The following IKBKE variants were observed in gnomAD, a reference collection of about 807,000 sequenced individuals.
IKBKE encodes the protein inhibitor of nuclear factor kappa B kinase subunit epsilon, also known as inhibitor of nuclear factor kappa-B kinase subunit epsilon.
IKBKE carries 45 observed loss-of-function variants against 92.1 expected under a neutral mutation model. The observed-to-expected ratio is 0.49, with a 90% CI of 0.38 to 0.63. The LOEUF (loss-of-function observed/expected upper bound fraction) is 0.63, where lower values mean the gene tolerates loss of function less well. Among genes scored for constraint, IKBKE ranks in the 20% least tolerant of loss-of-function variants. IKBKE has a pLI of 0.00. For synonymous variants in IKBKE, 374 were observed against 380.3 expected (o/e 0.98, Z 0.19); for missense variants, 700 against 932.8 (o/e 0.75, Z 3.25).
At chr1:206,474,548 C>A in intron 4 of IKBKE, 77 bp downstream of exon 4, 1 of 1,416,898 alleles carries the variant, frequency 7.1e-7, no homozygotes, top group Non-Finnish European at 9.6e-7. Flanking sequence ...CACATGATAA[C>A]AGAGATTTGG....
Position 206,480,168 on chromosome 1 carries a change from G to A in IKBKE, c.1340+55G>A, listed in dbSNP as rs41297610. 127 of 984,348 alleles carry A rather than the reference G, an allele frequency of 1.3e-4. 1 individual carries two copies. In the African/African-American group the frequency reaches 2.1e-3, roughly 16 times the overall value. 61.0% of individuals were successfully genotyped at this position (984,348 alleles called of 1,614,324 possible). A position where few individuals can be genotyped will look rare whatever the true frequency, so the allele number is the denominator to read the frequency against. On this transcript the variant is annotated intron_variant, in intron 12 of 21. Coordinates refer to ENST00000581977, the MANE Select transcript of IKBKE (RefSeq NM_014002.4). ...GGGGAGGCGGGCAGGAGAGGGAGGC[G>A]GACAGGAGGGGGAGTGGGCAGGAAG... is the stretch of plus-strand genomic sequence containing the variant.
intron 16 of IKBKE, among the ~76,000 whole-genome samples, chr1:206,488,300 G>C (rs553568473): frequency 2.0e-5 from 3 of 152,368 alleles, no homozygotes; most frequent in Admixed American, 2.0e-4. Flanking sequence ...GGTGCTGTAG[G>C]AGAGGTGGTC....
chr1:206,480,118 G>A lies in IKBKE; in HGVS notation c.1340+5G>A, dbSNP rs1553386618. The A allele has an allele frequency of 6.4e-7, 1 of 1,553,512 alleles. No homozygotes were observed. The highest frequency in any genetic ancestry group is 8.7e-7 in the Non-Finnish European group (1 of 1,151,546). On this transcript the variant is annotated splice_donor_5th_base_variant and intron_variant, in intron 12 of 21. Transcript: ENST00000581977. ...TCGGGGGCTGCACTGGGTCATGTGA[G>A]TAATCATGAGGGCTGGGCACAGAGG... is the stretch of plus-strand genomic sequence containing the variant.
In IKBKE at chr1:206,490,681, T is replaced by C; in HGVS notation, c.1694-138T>C. On this transcript the variant is annotated intron_variant, in intron 16 of 21. Coordinates refer to ENST00000581977, the MANE Select transcript of IKBKE (RefSeq NM_014002.4). This position sits in a 1 kb window ranked among gnomAD's most constrained non-coding sequence, Gnocchi z 5.2. ...GCTAGCTTCACTCCTCTGCCCCTCC[T>C]GCTCCGCTGGGCGGTGAGTTCCCGT... 1 of 827,044 alleles carries C rather than the reference T, an allele frequency of 1.2e-6. No homozygotes were observed. The allele number at this position is 827,044 out of a possible 1,614,324, so 51.2% of individuals were successfully genotyped here. A position where few individuals can be genotyped will look rare whatever the true frequency, so the allele number is the denominator to read the frequency against.
At position 206,487,792 on chromosome 1, in the gene IKBKE, G is replaced by A. The variant is rs782681016; in HGVS notation, c.1617-122G>A. 7 of 727,166 alleles carry A rather than the reference G, an allele frequency of 9.6e-6. No individual in the cohort carries two copies. The East Asian group carries it at 1.1e-4, about 11-fold the overall frequency. 45.0% of individuals were successfully genotyped at this position (727,166 alleles called of 1,614,324 possible). ...GGACAGCCACCTCCACTCCCAGACTGATCCCCCAAAACTGTGGCTGTGAGG... is the reference window on the plus strand; with the variant it reads ...GGACAGCCACCTCCACTCCCAGACTAATCCCCCAAAACTGTGGCTGTGAGG... On this transcript the variant is annotated intron_variant, in intron 15 of 21. Transcript: ENST00000581977. This position sits in a 1 kb window ranked among gnomAD's most constrained non-coding sequence, Gnocchi z 5.3.
At chr1:206,495,939 T>C (rs1260404665) in intron 21 of IKBKE, among the ~76,000 whole-genome samples, 173 bp from the exon 22 acceptor site, 1 of 152,040 alleles carries the variant, frequency 6.6e-6, no homozygotes, top group African/African-American at 2.4e-5. Flanking sequence ...TTCCAACATA[T>C]AGTCAGAGGC....
In IKBKE at chr1:206,480,491, G is replaced by A. The variant is rs201028800; in HGVS notation, c.1385G>A (p.Arg462Lys). Reference sequence around the variant, plus strand: ...TGCAGACGGACTCTGGAAGTGGCAAGGACATCCCTCCTCTACCTCAGCAGC... The same window carrying A: ...TGCAGACGGACTCTGGAAGTGGCAAAGACATCCCTCCTCTACCTCAGCAGC... ...ATCRRTLEVA[R>K]TSLLYLSSSL... The change falls in exon 13 of 22, where the codon AGG becomes AAG. Residue 462 changes from arginine (R) to lysine (K), a missense_variant. Coordinates refer to ENST00000581977, the MANE Select transcript of IKBKE (RefSeq NM_014002.4). The A allele has an allele frequency of 3.7e-6, 6 of 1,613,844 alleles. No individual in the cohort carries two copies. Among genetic ancestry groups the A allele is most frequent in the African/African-American group, 2.7e-5 (2 of 74,984 alleles).
chr1:206,476,562 A>G lies in IKBKE; in HGVS notation c.541-116A>G, dbSNP rs982609243. ...GGCTGACACCCATTTTTAAGATGAC[A>G]AAGAAGGATTTGAACAGTTCTGTTT... is the stretch of plus-strand genomic sequence containing the variant. On this transcript the variant is annotated intron_variant, in intron 6 of 21. Coordinates refer to ENST00000581977, the MANE Select transcript of IKBKE (RefSeq NM_014002.4). The surrounding 1 kb of genome is among the most constrained non-coding windows in gnomAD (Gnocchi z 5.1). 2.3e-6 allele frequency: 3 copies of G among 1,298,880 alleles called. No homozygotes were observed. Among genetic ancestry groups the G allele is most frequent in the South Asian group, 1.4e-5 (1 of 71,884 alleles). The allele number at this position is 1,298,880 out of a possible 1,614,324, so 80.5% of individuals were successfully genotyped here.
intron 2 of IKBKE, among the ~76,000 whole-genome samples, chr1:206,471,776 A>G (rs1417527477): frequency 6.6e-6 from 1 of 152,196 alleles, no homozygotes. Context: ...GATCTCTTCA[A>G]GGGGCCTCTG....
intron 13 of IKBKE, among the ~76,000 whole-genome samples, chr1:206,483,954 T>C (rs1665523564): frequency 1.3e-5 from 2 of 152,128 alleles, no homozygotes; most frequent in Non-Finnish European, 2.9e-5. Flanking sequence ...TATTTTATTT[T>C]ATTTCTTTTC....
chr1:206,492,509 G>T (rs758284528), intron 18 of IKBKE: 1 of 471,248 alleles, frequency 2.1e-6, no homozygotes, highest in Non-Finnish European at 4.4e-6. Context: ...GCAGGGCTTG[G>T]ATGTCAGTGT....
Position 206,490,768 on chromosome 1 carries a change from G to C in IKBKE, c.1694-51G>C, listed in dbSNP as rs782806451. 1.3e-6 allele frequency: 2 copies of C among 1,589,222 alleles called. No homozygotes were observed. Among genetic ancestry groups the C allele is most frequent in the African/African-American group, 2.7e-5 (2 of 74,430 alleles). On this transcript the variant is annotated intron_variant, in intron 16 of 21. Transcript: ENST00000581977. The surrounding 1 kb of genome is among the most constrained non-coding windows in gnomAD (Gnocchi z 5.2). Reference sequence around the variant, plus strand: ...TGTCTCTCGACCTTTGCTGCACACTGTTTCGTTGACTGATTGAATAGGTGA... The same window carrying C: ...TGTCTCTCGACCTTTGCTGCACACTCTTTCGTTGACTGATTGAATAGGTGA...
rs1553384595 is a variant in IKBKE, at chr1:206,474,380, T to C, written c.137T>C (p.Leu46Pro). 1 of 1,614,048 alleles carries C rather than the reference T, an allele frequency of 6.2e-7. No homozygotes were observed. The highest frequency in any genetic ancestry group is 1.1e-5 in the South Asian group (1 of 91,078). The stretch of plus-strand genomic sequence containing the variant: ...AAGGTCTTCAACACTACCAGCTACC[T>C]GCGGCCCCGCGAGGTGCAGGTGAGG... ...AVKVFNTTSYLRPREVQVREF... is the reference protein window; with the variant it reads ...AVKVFNTTSYPRPREVQVREF... Residue 46 changes from leucine to proline, a missense_variant, in exon 4 of 22, where the codon CTG (leucine) becomes CCG (proline). Transcript: ENST00000581977.
At chr1:206,475,935 G>A (rs548507835) in intron 5 of IKBKE, among the ~76,000 whole-genome samples, 1 of 152,144 alleles carries the variant, frequency 6.6e-6, no homozygotes, top group East Asian at 1.9e-4. Context: ...CTGCCCTTGA[G>A]GACACAGAGC....
rs181755877 is a variant in IKBKE, at chr1:206,476,599, C to T, written c.541-79C>T. On this transcript the variant is annotated intron_variant, in intron 6 of 21. Transcript: ENST00000581977. The surrounding 1 kb of genome is among the most constrained non-coding windows in gnomAD (Gnocchi z 5.1). ...GAACAGTTCTGTTTTCACCTGCAGG[C>T]GGTGAAAGGGGGTCTGACAGGTCTC... 1.6e-4 allele frequency: 234 copies of T among 1,493,968 alleles called. 1 individual carries two copies. The highest frequency in any genetic ancestry group is 1.1e-3 in the African/African-American group (80 of 72,570). The allele number at this position is 1,493,968 out of a possible 1,614,324, so 92.5% of individuals were successfully genotyped here.
chr1:206,486,086 T>C (rs1405211350), intron 15 of IKBKE, among the ~76,000 whole-genome samples: 1 of 152,234 alleles, frequency 6.6e-6, no homozygotes, highest in Non-Finnish European at 1.5e-5. Flanking sequence ...GTTTTGGCCA[T>C]AAAACCTGAC....
Position 206,487,249 on chromosome 1 carries a change from A to G in IKBKE, c.1617-665A>G, listed in dbSNP as rs1553389020. On this transcript the variant is annotated intron_variant, in intron 15 of 21. Transcript: ENST00000581977. This position sits in a 1 kb window ranked among gnomAD's most constrained non-coding sequence, Gnocchi z 5.3. The stretch of plus-strand genomic sequence containing the variant: ...TTTCCCAGACACTCCCGACTTCTCA[A>G]ACAAAGTGTTTGTTTCCAGCCTGAA... 6.6e-6 allele frequency among the ~76,000 whole-genome samples: 1 copy of G among 152,190 alleles called. No homozygotes were observed. Among genetic ancestry groups the G allele is most frequent in the Non-Finnish European group, 1.5e-5 (1 of 68,028 alleles).
intron 13 of IKBKE, among the ~76,000 whole-genome samples, chr1:206,483,232 T>C (rs1349692776): frequency 1.3e-5 from 2 of 152,362 alleles, no homozygotes; most frequent in Non-Finnish European, 2.9e-5. Flanking sequence ...CCTCGTTTTA[T>C]AGGTGAAGAG....
intron 18 of IKBKE, chr1:206,492,031 A>T (rs2103483623): frequency 2.8e-6 from 1 of 354,640 alleles, no homozygotes; most frequent in South Asian, 2.6e-5. Flanking sequence ...TCCTCTGCAC[A>T]TCACATGGCT....
Sources: gnomAD v4.1 joint callset for allele counts (sites outside exome capture counted in the v4.1 genomes callset) on GRCh38, gnomAD v4.1.1 for gene constraint, Gnocchi (gnomAD v3.1) non-coding constraint, MANE v1.5 for transcripts, NCBI Gene and HGNC (gene_info 2026-07-23, HGNC 2026-07-21) for gene names.